Variants in TSPAN4 observed in about 807,000 individuals in gnomAD.
The protein encoded by TSPAN4 is tetraspanin 4.
In TSPAN4, 38 loss-of-function variants were observed where a neutral mutation model predicts 31.5. That is an observed-to-expected ratio of 1.21 (90% CI 0.93 to 1.58). TSPAN4 has a LOEUF of 1.58. TSPAN4 is among the 40% of genes most tolerant of loss of function. The pLI is 0.00. For missense variants in TSPAN4, 330 were observed against 317.3 expected (o/e 1.04, Z -0.30); for synonymous variants, 186 against 144.6 (o/e 1.29, Z -2.06).
intron 7 of TSPAN4, 34 bp downstream of exon 7, chr11:865,859 G>T: frequency 6.2e-7 from 1 of 1,612,568 alleles, no homozygotes; most frequent in Non-Finnish European, 8.5e-7. Context: ...GGCTGGTAGG[G>T]GCCTAGAGGG....
chr11:853,743 C>T (rs764465344), intron 3 of TSPAN4, among the ~76,000 whole-genome samples: 1 of 152,208 alleles, frequency 6.6e-6, no homozygotes, highest in Non-Finnish European at 1.5e-5. Flanking sequence ...CTGCCTTCAG[C>T]AAATAGAGGC....
rs74046662 is a variant in TSPAN4, at chr11:855,877, C to G, written c.63+5510C>G. Reference sequence around the variant, plus strand: ...TGGCCCCTGCAGGGACCCAGCCCCCCATCCTATTCCAAGGACGTGGCTGGC... The same window carrying G: ...TGGCCCCTGCAGGGACCCAGCCCCCGATCCTATTCCAAGGACGTGGCTGGC... On this transcript the variant is annotated intron_variant, in intron 3 of 8. Transcript: ENST00000397397. 3.0e-3 allele frequency among the ~76,000 whole-genome samples: 460 copies of G among 152,334 alleles called. 3 individuals carry two copies. The highest frequency in any genetic ancestry group is 0.011 in the African/African-American group (441 of 41,592).
At chr11:862,996 CCT>C (rs1224236517) in intron 4 of TSPAN4, 3 of 475,986 alleles carry the variant, frequency 6.3e-6, no homozygotes, top group East Asian at 3.7e-5. Flanking sequence ...AGGGGCCTCC[CCT>C]GACGGGACAC....
chr11:851,849 A>G (rs1278162057), intron 3 of TSPAN4, among the ~76,000 whole-genome samples: 2 of 151,846 alleles, frequency 1.3e-5, no homozygotes, highest in South Asian at 2.1e-4. Context: ...TGGGAGGGGA[A>G]GCCCTCTCTC....
intron 3 of TSPAN4, among the ~76,000 whole-genome samples, chr11:856,004 G>C (rs895724567): frequency 6.6e-6 from 1 of 152,228 alleles, no homozygotes; most frequent in African/African-American, 2.4e-5. Flanking sequence ...GAGCATACTC[G>C]ATGGACTCCA....
In TSPAN4 at chr11:864,529, G is replaced by A. The variant is rs369734238; in HGVS notation, c.330+18G>A. 9.3e-6 allele frequency: 15 copies of A among 1,610,694 alleles called. No individual in the cohort carries two copies. The highest frequency in any genetic ancestry group is 6.7e-5 in the East Asian group (3 of 44,880). On this transcript the variant is annotated intron_variant, in intron 5 of 8. Coordinates refer to ENST00000397397, the MANE Select transcript of TSPAN4 (RefSeq NM_003271.5). The stretch of plus-strand genomic sequence containing the variant: ...CGGACAAGGTACGGCTGCCTTGGCC[G>A]CAGGCCCAACTGCAGGGCTGGGGGC...
intron 3 of TSPAN4, among the ~76,000 whole-genome samples, chr11:853,370 C>A (rs1410362344): frequency 1.3e-5 from 2 of 152,190 alleles, no homozygotes; most frequent in African/African-American, 4.8e-5. Context: ...CAGGCCTGAG[C>A]CCCCCTCCAC....
chr11:864,683 G>A, intron 5 of TSPAN4, 172 bp downstream of exon 5: 2 of 776,698 alleles, frequency 2.6e-6, no homozygotes, highest in Non-Finnish European at 4.2e-6. Flanking sequence ...AGCGACCCTG[G>A]GAGGCTGTGC....
chr11:865,716 A>T lies in TSPAN4; in HGVS notation c.455A>T (p.Asn152Ile). Residue 152 changes from asparagine (N) to isoleucine (I), a missense_variant, in exon 7 of 9, where the codon AAC (asparagine) becomes ATC (isoleucine). Asn to Ile is a moderately radical substitution (Grantham distance 149). Transcript: ENST00000397397. ...CAGTTCCGCTGCTGTGGCGTCTCCA[A>T]CTACACTGACTGGTTCGAGGTGTAC... The part of the protein sequence containing the change: ...QTDFRCCGVS[N>I]YTDWFEVYNA... The T allele has an allele frequency of 6.2e-7, 1 of 1,613,368 alleles. No homozygotes were observed. The highest frequency in any genetic ancestry group is 8.5e-7 in the Non-Finnish European group (1 of 1,179,940).
At chr11:859,137 TG>T (rs1848260845) in intron 3 of TSPAN4, among the ~76,000 whole-genome samples, 4 of 45,850 alleles carry the variant, frequency 8.7e-5, no homozygotes, top group Admixed American at 2.6e-4. Context: ...CACGCACCCC[TG>T]GGCTCACATG....
At chr11:844,793 G>C (rs1026797487) in intron 1 of TSPAN4, among the ~76,000 whole-genome samples, 1 of 152,110 alleles carries the variant, frequency 6.6e-6, no homozygotes, top group Non-Finnish European at 1.5e-5. Flanking sequence ...GGTCAGGGCA[G>C]GGCACAGGGA....
At chr11:844,700 G>C (rs1847197496) in intron 1 of TSPAN4, 1 of 137,522 alleles carries the variant, frequency 7.3e-6, no homozygotes, top group Non-Finnish European at 1.6e-5. Flanking sequence ...GACTCGGCCT[G>C]GCTTCTGGGG....
At chr11:847,708 G>T (rs1236258984) in intron 2 of TSPAN4, among the ~76,000 whole-genome samples, 1 of 150,970 alleles carries the variant, frequency 6.6e-6, no homozygotes, top group African/African-American at 2.4e-5. Flanking sequence ...GGCGATGTGT[G>T]CAGAGCTTTG....
At chr11:853,363 G>T (rs1490675177) in intron 3 of TSPAN4, among the ~76,000 whole-genome samples, 1 of 152,164 alleles carries the variant, frequency 6.6e-6, no homozygotes, top group Non-Finnish European at 1.5e-5. Context: ...TTGGGTCCAG[G>T]CCTGAGCCCC....
intron 1 of TSPAN4, 181 bp downstream of exon 1, chr11:843,096 GGTCTTCC>G (rs1847060742): frequency 6.6e-6 from 1 of 152,094 alleles, no homozygotes; most frequent in Non-Finnish European, 1.5e-5. Flanking sequence ...GGCCGGGGCG[GGTCTTCC>G]TGCCGCCCCT....
In TSPAN4 at chr11:862,885, G is replaced by T. The variant is rs143047290; in HGVS notation, c.255+144G>T. On this transcript the variant is annotated intron_variant, in intron 4 of 8. Coordinates refer to ENST00000397397, the MANE Select transcript of TSPAN4 (RefSeq NM_003271.5). ...GACCTCCAGGCTGGCAGTGTGGCCC[G>T]GGGCCCTGGCCACTGTTGGGTCTTC... The T allele has an allele frequency of 6.7e-6, 6 of 901,348 alleles. No individual in the cohort carries two copies. The East Asian group carries it at 1.7e-4, about 25-fold the overall frequency. 55.8% of individuals were successfully genotyped at this position (901,348 alleles called of 1,614,324 possible).
intron 4 of TSPAN4, 97 bp from the exon 5 acceptor site, chr11:864,340 A>C: frequency 6.8e-7 from 1 of 1,465,186 alleles, no homozygotes; most frequent in East Asian, 2.3e-5. Flanking sequence ...TGGCAGCACC[A>C]GGTATCCATG....
At chr11:861,080 G>A (rs952634209) in intron 3 of TSPAN4, among the ~76,000 whole-genome samples, 1 of 152,188 alleles carries the variant, frequency 6.6e-6, no homozygotes, top group Non-Finnish European at 1.5e-5. Context: ...GGTCCTGGCG[G>A]ACCCCTGCTT....
At chr11:862,195 G>A in intron 3 of TSPAN4, 1 of 276,648 alleles carries the variant, frequency 3.6e-6, no homozygotes, top group Non-Finnish European at 6.7e-6. Context: ...GGTGAAGCGG[G>A]GTTAGGGGTG....
Sources: allele counts gnomAD v4.1 joint callset (sites outside exome capture counted in the v4.1 genomes callset), GRCh38; gene constraint gnomAD v4.1.1; transcripts MANE v1.5; gene names NCBI Gene and HGNC (gene_info 2026-07-23, HGNC 2026-07-21).